Variants in STK33 observed in about 807,000 individuals in gnomAD.
The protein encoded by STK33 is serine/threonine kinase 33.
Under a neutral mutation model 58.0 loss-of-function variants are expected in STK33, and 52 were observed. The ratio of observed to expected loss-of-function variants is 0.90; its 90% CI spans 0.72 to 1.13. The LOEUF is 1.13. Ranked by LOEUF, STK33 falls within the 50% of genes most tolerant of loss-of-function variation. The probability of loss-of-function intolerance (pLI) is 0.00; values close to 1 mark genes in which losing one functional copy is unlikely to be tolerated. For synonymous variants in STK33, 215 were observed against 200.1 expected (o/e 1.07, Z -0.63); for missense variants, 630 against 604.2 (o/e 1.04, Z -0.45).
At chr11:8,409,314 TGCAG>T (rs1470377306) in intron 15 of STK33, among the ~76,000 whole-genome samples, 8 of 152,254 alleles carry the variant, frequency 5.3e-5, no homozygotes, top group Non-Finnish European at 8.8e-5. Flanking sequence ...TGTGGCTTTC[TGCAG>T]GCATGCTCTT....
At chr11:8,401,420 A>G (rs1406699166) in intron 15 of STK33, among the ~76,000 whole-genome samples, 1 of 152,210 alleles carries the variant, frequency 6.6e-6, no homozygotes, top group Admixed American at 6.5e-5. Context: ...AGCCATATGT[A>G]GAAAGCTGAA....
chr11:8,370,696 G>T, the STK33 span, among the ~76,000 whole-genome samples: 2 of 142,354 alleles, frequency 1.4e-5, no homozygotes, highest in Admixed American at 1.4e-4. Flanking sequence ...TGAAGTTGCA[G>T]CTGGAGGAGA....
chr11:8,545,227 A>G (rs1955821333), intron 1 of STK33, among the ~76,000 whole-genome samples: 1 of 152,202 alleles, frequency 6.6e-6, no homozygotes, highest in African/African-American at 2.4e-5. Flanking sequence ...CATTACCTAG[A>G]CATGCTTTCA....
chr11:8,486,964 C>G (rs1282258011), intron 1 of STK33, among the ~76,000 whole-genome samples: 1 of 152,126 alleles, frequency 6.6e-6, no homozygotes, highest in Non-Finnish European at 1.5e-5. Flanking sequence ...TTTACTGAGA[C>G]AGTAAAGACA....
chr11:8,398,058 C>A (rs550026565), intron 15 of STK33, among the ~76,000 whole-genome samples: 2 of 152,342 alleles, frequency 1.3e-5, no homozygotes, highest in African/African-American at 4.8e-5. Flanking sequence ...TCCAGGAGAA[C>A]TTCCCCAATC....
intron 15 of STK33, among the ~76,000 whole-genome samples, chr11:8,408,149 G>T (rs1245645252): frequency 6.6e-6 from 1 of 152,090 alleles, no homozygotes; most frequent in Non-Finnish European, 1.5e-5. Flanking sequence ...ATTTTGTGGG[G>T]TTTATAATTA....
intron 1 of STK33, among the ~76,000 whole-genome samples, chr11:8,499,067 C>T (rs1426586047): frequency 6.6e-6 from 1 of 152,092 alleles, no homozygotes; most frequent in Non-Finnish European, 1.5e-5. Context: ...GCAACAAAAG[C>T]CGAAATTGAC....
intron 6 of STK33, among the ~76,000 whole-genome samples, chr11:8,470,284 T>C (rs1948649967): frequency 6.6e-6 from 1 of 152,250 alleles, no homozygotes; most frequent in Non-Finnish European, 1.5e-5. Flanking sequence ...AGACAGCTAC[T>C]TTCTTTAAAC....
At chr11:8,485,882 T>C (rs923222402) in intron 1 of STK33, among the ~76,000 whole-genome samples, 23 of 152,324 alleles carry the variant, frequency 1.5e-4, no homozygotes, top group African/African-American at 5.3e-4. Flanking sequence ...TAAATAGCTA[T>C]TGAAATAGAT....
chr11:8,348,285 A>C, the STK33 span, among the ~76,000 whole-genome samples: 1 of 152,244 alleles, frequency 6.6e-6, no homozygotes, highest in Non-Finnish European at 1.5e-5. Flanking sequence ...TATAAAGGAA[A>C]GAGGCTTAAT....
chr11:8,519,993 T>C (rs1953241271), intron 1 of STK33, among the ~76,000 whole-genome samples: 2 of 152,350 alleles, frequency 1.3e-5, no homozygotes, highest in Admixed American at 6.5e-5. Context: ...GCTCATTTTA[T>C]GAGGCCAGCA....
At chr11:8,347,155 G>A in the STK33 span, among the ~76,000 whole-genome samples, 4 of 152,188 alleles carry the variant, frequency 2.6e-5, no homozygotes, top group East Asian at 1.9e-4. Context: ...CTCCCCTTTC[G>A]ATATATCTTC....
intron 1 of STK33, among the ~76,000 whole-genome samples, chr11:8,556,977 A>G (rs1340392122): frequency 6.6e-6 from 1 of 151,922 alleles, no homozygotes; most frequent in Non-Finnish European, 1.5e-5. Flanking sequence ...TAAACCAGGC[A>G]TGGTGTCTCA....
At chr11:8,518,768 G>A (rs1953073168) in intron 1 of STK33, among the ~76,000 whole-genome samples, 1 of 152,190 alleles carries the variant, frequency 6.6e-6, no homozygotes, top group African/African-American at 2.4e-5. Context: ...ATGGTAAAGA[G>A]ATCAATTCAA....
intron 11 of STK33, among the ~76,000 whole-genome samples, chr11:8,452,466 T>C (rs921754891): frequency 7.1e-4 from 108 of 152,280 alleles, no homozygotes; most frequent in East Asian, 1.2e-3. Context: ...TAATCCATAC[T>C]GGTTGTTCTA....
intron 1 of STK33, among the ~76,000 whole-genome samples, chr11:8,566,559 C>A (rs1447175099): frequency 6.6e-6 from 1 of 152,178 alleles, no homozygotes; most frequent in Non-Finnish European, 1.5e-5. Context: ...TGCCAGATAG[C>A]ATCTCATAGG....
chr11:8,360,190 T>TTTAG, the STK33 span, among the ~76,000 whole-genome samples: 1 of 152,202 alleles, frequency 6.6e-6, no homozygotes, highest in South Asian at 2.1e-4. Flanking sequence ...AACTCCACAG[T>TTTAG]TTAGAGCAAC....
intron 14 of STK33, among the ~76,000 whole-genome samples, chr11:8,415,557 CAG>C (rs1392081438): frequency 6.6e-6 from 1 of 152,044 alleles, no homozygotes; most frequent in Non-Finnish European, 1.5e-5. Flanking sequence ...CAAAGTGAAA[CAG>C]AACCTCCTCC....
intron 1 of STK33, among the ~76,000 whole-genome samples, chr11:8,500,545 T>C (rs1043182572): frequency 6.6e-6 from 1 of 152,130 alleles, no homozygotes; most frequent in African/African-American, 2.4e-5. Context: ...AAAACTTCAT[T>C]GAAAGGAATT....
Sources: gnomAD v4.1 joint callset for allele counts (sites outside exome capture counted in the v4.1 genomes callset) on GRCh38, gnomAD v4.1.1 for gene constraint, MANE v1.5 for transcripts, NCBI Gene and HGNC (gene_info 2026-07-23, HGNC 2026-07-21) for gene names.